The following TTBK1 variants were observed in gnomAD, a reference collection of about 807,000 sequenced individuals.
TTBK1 encodes the protein tau-tubulin kinase 1.
Under a neutral mutation model 108.5 loss-of-function variants are expected in TTBK1, and 34 were observed. The ratio of observed to expected loss-of-function variants is 0.31; its 90% CI spans 0.24 to 0.42. The LOEUF (loss-of-function observed/expected upper bound fraction) is 0.42. Among genes scored for constraint, TTBK1 ranks in the 10% least tolerant of loss-of-function variants. TTBK1 has a pLI of 1.00. For missense variants in TTBK1, 1,539 were observed against 1,826.0 expected (o/e 0.84, Z 2.86); for synonymous variants, 809 against 795.1 (o/e 1.02, Z -0.29).
In TTBK1 at chr6:43,283,147, G is replaced by T. The variant is rs1778231969; in HGVS notation, c.2407G>T (p.Gly803Cys). ...SERSTDRSQE[G>C]APSTLLADDQ... ...GAGGAGCACTGACCGGAGCCAGGAG[G>T]GTGCCCCGTCCACGCTGCTGGCAGA... Residue 803 changes from glycine (G) to cysteine (C), a missense_variant, in exon 14 of 15, where the codon GGT (glycine) becomes TGT (cysteine). Gly to Cys is a radical substitution (Grantham distance 159). Coordinates refer to ENST00000259750, the MANE Select transcript of TTBK1 (RefSeq NM_032538.3). This position sits in a 1 kb window ranked among gnomAD's most constrained non-coding sequence, Gnocchi z 8.1. The T allele has an allele frequency of 1.9e-6, 3 of 1,567,430 alleles. No homozygotes were observed. The highest frequency in any genetic ancestry group is 2.3e-5 in the South Asian group (2 of 85,516).
Position 43,255,541 on chromosome 6 carries a change from C to T in TTBK1, c.643-11C>T, listed in dbSNP as rs776195434. The T allele has an allele frequency of 8.8e-6, 14 of 1,590,034 alleles. No homozygotes were observed. Among genetic ancestry groups the T allele is most frequent in the Non-Finnish European group, 1.2e-5 (14 of 1,168,628 alleles). ...TGAGAGCTGCAGGTGACTCCCTCCC[C>T]CCACCTCCAGGAGATGGGCCGCCAC... is the stretch of plus-strand genomic sequence containing the variant. On this transcript the variant is annotated splice_polypyrimidine_tract_variant and intron_variant, in intron 7 of 14. Transcript: ENST00000259750.
intron 9 of TTBK1, among the ~76,000 whole-genome samples, chr6:43,256,950 T>C (rs888937829): frequency 6.6e-6 from 1 of 152,082 alleles, no homozygotes; most frequent in African/African-American, 2.4e-5. Context: ...CCACACCCCA[T>C]GGGACCCACT....
In TTBK1 at chr6:43,269,750, T is replaced by C. The variant is rs1777774789; in HGVS notation, c.1986+6400T>C. ...CCACGCTGGAGACGGAGCATTACCC[T>C]CACCCCGGCGGCGGCGGCTCCTCGG... is the stretch of plus-strand genomic sequence containing the variant. On this transcript the variant is annotated intron_variant, in intron 13 of 14. Transcript: ENST00000259750. This position sits in a 1 kb window ranked among gnomAD's most constrained non-coding sequence, Gnocchi z 4.8. 1.2e-6 allele frequency: 2 copies of C among 1,605,698 alleles called. No individual in the cohort carries two copies. The highest frequency in any genetic ancestry group is 1.7e-6 in the Non-Finnish European group (2 of 1,178,756).
intron 13 of TTBK1, among the ~76,000 whole-genome samples, chr6:43,280,933 G>C (rs1778139849): frequency 6.6e-6 from 1 of 152,172 alleles, no homozygotes; most frequent in South Asian, 2.1e-4. Flanking sequence ...GCTGGAAGAT[G>C]CACTTAGGAA....
chr6:43,285,416 G>A lies in TTBK1; in HGVS notation c.*40G>A, dbSNP rs559573041. 16 of 509,122 alleles carry A rather than the reference G, an allele frequency of 3.1e-5. No homozygotes were observed. Among genetic ancestry groups the A allele is most frequent in the Non-Finnish European group, 4.4e-5 (16 of 367,596 alleles). The allele number at this position is 509,122 out of a possible 1,614,324, so 31.5% of individuals were successfully genotyped here. A position where few individuals can be genotyped will look rare whatever the true frequency, so the allele number is the denominator to read the frequency against. On this transcript the variant is annotated 3_prime_UTR_variant, in exon 15 of 15. Coordinates refer to ENST00000259750, the MANE Select transcript of TTBK1 (RefSeq NM_032538.3). The surrounding 1 kb of genome is among the most constrained non-coding windows in gnomAD (Gnocchi z 4.7). ...CTCCGCGGTCCCCCACCCTCACCCC[G>A]GCCCCCCACCCGCAGCCGGCCACAC...
chr6:43,264,293 G>A (rs1562090464), intron 13 of TTBK1, among the ~76,000 whole-genome samples: 1 of 152,284 alleles, frequency 6.6e-6, no homozygotes, highest in East Asian at 1.9e-4. Context: ...TGAGGCATGA[G>A]AATTGATTGA....
Position 43,243,541 on chromosome 6 carries a change from G to C in TTBK1, c.-222G>C, listed in dbSNP as rs988794028. ...CCGTCGCCCAAGGAGGATCGGGGCC[G>C]GGCCGGGCCGGGATGATCCGGGTCG... On this transcript the variant is annotated 5_prime_UTR_variant, in exon 1 of 15. Coordinates refer to ENST00000259750, the MANE Select transcript of TTBK1 (RefSeq NM_032538.3). The surrounding 1 kb of genome is among the most constrained non-coding windows in gnomAD (Gnocchi z 5.5). 42 of 153,240 alleles carry C rather than the reference G, an allele frequency of 2.7e-4. No individual in the cohort carries two copies. The South Asian group carries it at 5.5e-3, about 20-fold the overall frequency. The allele number at this position is 153,240 out of a possible 1,614,324, so 9.5% of individuals were successfully genotyped here.
In TTBK1 at chr6:43,253,670, A is replaced by G. The variant is rs571894235; in HGVS notation, c.433A>G (p.Ile145Val). Residue 145 changes from isoleucine (I) to valine (V), a missense_variant, in exon 5 of 15, where the codon ATC becomes GTC. Transcript: ENST00000259750. This position sits in a 1 kb window ranked among gnomAD's most constrained non-coding sequence, Gnocchi z 5.8. Reference protein sequence around the residue: ...GKQILESIEAIHSVGFLHRDI... With the variant: ...GKQILESIEAVHSVGFLHRDI... ...GCAGATCTTGGAGTCCATCGAGGCC[A>G]TCCACTCTGTGGGCTTCCTGCACCG... 6.2e-7 allele frequency: 1 copy of G among 1,613,478 alleles called. No homozygotes were observed. The highest frequency in any genetic ancestry group is 2.2e-5 in the East Asian group (1 of 44,854).
At position 43,282,659 on chromosome 6, in the gene TTBK1, C is replaced by A; in HGVS notation, c.1987-68C>A. ...CTGTGAGTCTCCTAGGTTGTGGGTG[C>A]AGCTGAAGTCTTCCTGGGCCCAGGA... On this transcript the variant is annotated intron_variant, in intron 13 of 14. Transcript: ENST00000259750. The surrounding 1 kb of genome is among the most constrained non-coding windows in gnomAD (Gnocchi z 5.4). 7.4e-7 allele frequency: 1 copy of A among 1,345,622 alleles called. No individual in the cohort carries two copies. Among genetic ancestry groups the A allele is most frequent in the Non-Finnish European group, 1.0e-6 (1 of 970,948 alleles). The allele number at this position is 1,345,622 out of a possible 1,614,324, so 83.4% of individuals were successfully genotyped here.
intron 2 of TTBK1, among the ~76,000 whole-genome samples, chr6:43,248,487 T>A (rs1056567670): frequency 5.3e-5 from 8 of 151,614 alleles, no homozygotes; most frequent in Non-Finnish European, 8.8e-5. Context: ...CTTTGGGAGG[T>A]TGAGGTGGGA....
chr6:43,270,102 A>C, intron 13 of TTBK1: 5 of 1,397,244 alleles, frequency 3.6e-6, no homozygotes, highest in Non-Finnish European at 3.7e-6. Context: ...CGTTGGCCCA[A>C]GGTACTGTAA....
At chr6:43,246,819 A>T in intron 2 of TTBK1, 51 bp downstream of exon 2, 1 of 1,475,224 alleles carries the variant, frequency 6.8e-7, no homozygotes, top group East Asian at 2.3e-5. Context: ...GAGGGAGGCG[A>T]GGACCTGGAG....
intron 13 of TTBK1, among the ~76,000 whole-genome samples, chr6:43,280,308 C>T (rs1036282411): frequency 3.3e-5 from 5 of 152,188 alleles, no homozygotes; most frequent in African/African-American, 1.2e-4. Context: ...ACACGCTATT[C>T]CCCATAGGTG....
chr6:43,258,410 G>A (rs1031718967), intron 10 of TTBK1, among the ~76,000 whole-genome samples: 1 of 152,072 alleles, frequency 6.6e-6, no homozygotes, highest in Non-Finnish European at 1.5e-5. Flanking sequence ...GTGGTCGAGG[G>A]AGGAGCTGGA....
intron 13 of TTBK1, chr6:43,272,584 G>A: frequency 1.0e-6 from 1 of 985,414 alleles, no homozygotes; most frequent in South Asian, 4.7e-5. Flanking sequence ...CCTCCATGGT[G>A]GAGGGGAGAG....
intron 9 of TTBK1, 135 bp downstream of exon 9, chr6:43,255,991 A>C (rs942283013): frequency 4.7e-6 from 5 of 1,072,028 alleles, no homozygotes; most frequent in Non-Finnish European, 6.8e-6. Context: ...TTCTAACTGC[A>C]CTAAAGGCAT....
chr6:43,283,058 C>A lies in TTBK1; in HGVS notation c.2318C>A (p.Ala773Glu), dbSNP rs781465497. 1 of 1,588,318 alleles carries A rather than the reference C, an allele frequency of 6.3e-7. No individual in the cohort carries two copies. The highest frequency in any genetic ancestry group is 1.1e-5 in the South Asian group (1 of 87,826). ...EEEEEEEEEAAAAVALGEVLG... is the reference protein window; with the variant it reads ...EEEEEEEEEAEAAVALGEVLG... ...GAGGAGGAAGAGGAGGAGGAGGCTG[C>A]AGCGGCAGTTGCCTTGGGGGAGGTG... The change falls in exon 14 of 15, where the codon GCA becomes GAA. Residue 773 changes from alanine to glutamate, a missense_variant. Ala to Glu is a moderately radical substitution (Grantham distance 107). Transcript: ENST00000259750. This position sits in a 1 kb window ranked among gnomAD's most constrained non-coding sequence, Gnocchi z 8.1.
intron 13 of TTBK1, among the ~76,000 whole-genome samples, chr6:43,279,246 C>T (rs2841658): frequency 0.48 from 72,315 of 152,026 alleles, 19,960 homozygotes; most frequent in African/African-American, 0.78. Flanking sequence ...GTGTGTGTTG[C>T]GGGGGATCCC....
chr6:43,269,564 C>G lies in TTBK1; in HGVS notation c.1986+6214C>G. 7.0e-7 allele frequency: 1 copy of G among 1,431,908 alleles called. No individual in the cohort carries two copies. The highest frequency in any genetic ancestry group is 9.2e-7 in the Non-Finnish European group (1 of 1,084,150). 88.7% of individuals were successfully genotyped at this position (1,431,908 alleles called of 1,614,324 possible). ...ACGCCGGCGCCGCAGGGGCTGTGAG[C>G]GGTGGGTGGCCCCGGAGACGGAGCT... On this transcript the variant is annotated intron_variant, in intron 13 of 14. Transcript: ENST00000259750. The surrounding 1 kb of genome is among the most constrained non-coding windows in gnomAD (Gnocchi z 4.8).
Sources: allele counts gnomAD v4.1 joint callset (sites outside exome capture counted in the v4.1 genomes callset), GRCh38; gene constraint gnomAD v4.1.1; non-coding constraint Gnocchi (gnomAD v3.1); transcripts MANE v1.5; gene names NCBI Gene and HGNC (gene_info 2026-07-23, HGNC 2026-07-21).